The following PIK3C2G variants were observed in gnomAD, a reference collection of about 807,000 sequenced individuals.
PIK3C2G encodes phosphatidylinositol-4-phosphate 3-kinase catalytic subunit type 2 gamma.
In PIK3C2G, 168 loss-of-function variants were observed where a neutral mutation model predicts 181.1. The ratio of observed to expected loss-of-function variants is 0.93; its 90% CI spans 0.82 to 1.05. The LOEUF (loss-of-function observed/expected upper bound fraction) is 1.05. PIK3C2G is among the 50% of genes least tolerant of loss of function. PIK3C2G has a pLI of 0.00. For synonymous variants in PIK3C2G, 573 were observed against 592.2 expected (o/e 0.97, Z 0.47); for missense variants, 1,869 against 1,732.8 (o/e 1.08, Z -1.40).
chr12:18,529,082 G>A (rs149401211), intron 24 of PIK3C2G, among the ~76,000 whole-genome samples: 4 of 145,096 alleles, frequency 2.8e-5, no homozygotes, highest in Admixed American at 6.7e-5. Flanking sequence ...CCCATTTCTC[G>A]ATAATCCCAA....
At chr12:18,327,039 T>C (rs1166882438) in intron 8 of PIK3C2G, among the ~76,000 whole-genome samples, 2 of 152,128 alleles carry the variant, frequency 1.3e-5, no homozygotes, top group Admixed American at 6.5e-5. Flanking sequence ...TGATTGACTA[T>C]TGTAAATTTT....
chr12:18,664,819 A>G, the PIK3C2G span, among the ~76,000 whole-genome samples: 1 of 151,800 alleles, frequency 6.6e-6, no homozygotes, highest in African/African-American at 2.4e-5. Context: ...ATGGAATACT[A>G]TGCAGCCACA....
chr12:18,705,158 A>AC, the PIK3C2G span: 1 of 1,613,940 alleles, frequency 6.2e-7, no homozygotes. Context: ...CTCAGAAAAA[A>AC]ATGTTACCTC....
chr12:18,253,899 C>T (rs114148611), intron 1 of PIK3C2G, among the ~76,000 whole-genome samples: 1,879 of 146,520 alleles, frequency 0.013, 40 homozygotes, highest in African/African-American at 0.043. Flanking sequence ...ACCTTATCTT[C>T]TGCATCTCAT....
rs567283085 is a variant in PIK3C2G at position 18,580,647 on chromosome 12, T to C, written c.4011+13590T>C. ...TTTAAACTAGAATTGTAAAGGATTC[T>C]TTAAAAGTTCACTATTCTTCATAGT... On this transcript the variant is annotated intron_variant, in intron 29 of 32. Transcript: ENST00000538779. Among the ~76,000 whole-genome samples, 184 of 152,346 alleles carry C rather than the reference T, an allele frequency of 1.2e-3. 1 individual carries two copies. Among genetic ancestry groups the C allele is most frequent in the South Asian group, 2.9e-3 (14 of 4,830 alleles).
At chr12:18,434,283 A>C (rs1946325665) in intron 18 of PIK3C2G, among the ~76,000 whole-genome samples, 1 of 152,052 alleles carries the variant, frequency 6.6e-6, no homozygotes, top group Admixed American at 6.6e-5. Context: ...CTTCCATTAG[A>C]CCCCCACCTG....
At chr12:18,271,628 C>T (rs1427581845) in intron 1 of PIK3C2G, among the ~76,000 whole-genome samples, 1 of 152,158 alleles carries the variant, frequency 6.6e-6, no homozygotes, top group Non-Finnish European at 1.5e-5. Context: ...TCCTACCTCT[C>T]AGACTATTCT....
chr12:18,282,921 A>AT (rs1017848749), intron 2 of PIK3C2G, among the ~76,000 whole-genome samples, 162 bp downstream of exon 2: 23 of 145,620 alleles, frequency 1.6e-4, no homozygotes, highest in African/African-American at 3.8e-4. Context: ...TGTATTAATG[A>AT]TTTTTTTTCT....
intron 18 of PIK3C2G, among the ~76,000 whole-genome samples, chr12:18,474,234 A>G (rs1565761520): frequency 6.6e-6 from 1 of 152,130 alleles, no homozygotes. Flanking sequence ...TCAGGGGCCA[A>G]AAGTCACACA....
the PIK3C2G span, chr12:18,692,655 GA>G: frequency 1.9e-5 from 12 of 637,168 alleles, no homozygotes; most frequent in Non-Finnish European, 3.0e-5. Context: ...TTATGCAGGA[GA>G]AAAAAATCAT....
chr12:18,549,319 C>A (rs942208939), intron 26 of PIK3C2G, among the ~76,000 whole-genome samples: 2 of 151,994 alleles, frequency 1.3e-5, no homozygotes, highest in Non-Finnish European at 2.9e-5. Flanking sequence ...GAATATGAAA[C>A]AAGCCCTATT....
chr12:18,564,322 T>C (rs1945502674), intron 28 of PIK3C2G, among the ~76,000 whole-genome samples: 1 of 151,754 alleles, frequency 6.6e-6, no homozygotes, highest in Non-Finnish European at 1.5e-5. Flanking sequence ...AATCATGATA[T>C]TGCATTTAGG....
At position 18,505,439 on chromosome 12, in the gene PIK3C2G, C is replaced by G; in HGVS notation, c.3301C>G (p.Gln1101Glu). 1 of 1,613,120 alleles carries G rather than the reference C, an allele frequency of 6.2e-7. No individual in the cohort carries two copies. Among genetic ancestry groups the G allele is most frequent in the South Asian group, 1.1e-5 (1 of 90,870 alleles). ...IDFGKFLGHA[Q>E]TFGGIKRDRA... ...CTTTGGAAAATTCTTAGGTCATGCA[C>G]AAACATTTGGAGGGATAAAAAGGTC... is the stretch of plus-strand genomic sequence containing the variant. The change falls in exon 24 of 33, where the codon CAA becomes GAA. Residue 1101 changes from glutamine (Q) to glutamate (E), a missense_variant. Coordinates refer to ENST00000538779, the MANE Select transcript of PIK3C2G (RefSeq NM_001288772.2).
chr12:18,542,382 G>C (rs1252830432), intron 25 of PIK3C2G, among the ~76,000 whole-genome samples: 3 of 151,750 alleles, frequency 2.0e-5, no homozygotes, highest in Admixed American at 1.3e-4. Flanking sequence ...TTGCCTAATA[G>C]CATCAAGTAT....
intron 13 of PIK3C2G, among the ~76,000 whole-genome samples, chr12:18,380,352 T>C (rs2137955456): frequency 6.6e-6 from 1 of 152,244 alleles, no homozygotes; most frequent in Admixed American, 6.5e-5. Flanking sequence ...AGAAACATTT[T>C]CTCTAAATGC....
At chr12:18,596,590 G>C (rs1947377612) in intron 30 of PIK3C2G, among the ~76,000 whole-genome samples, 1 of 152,230 alleles carries the variant, frequency 6.6e-6, no homozygotes, top group Admixed American at 6.5e-5. Context: ...TAATGGAGTA[G>C]AACATGATCA....
At chr12:18,714,646 A>G in the PIK3C2G span, 1 of 152,168 alleles carries the variant, frequency 6.6e-6, no homozygotes, top group African/African-American at 2.4e-5. Flanking sequence ...CAGTAAGTAC[A>G]TTAAATTACC....
chr12:18,268,715 A>G (rs1948616204), intron 1 of PIK3C2G, among the ~76,000 whole-genome samples: 1 of 152,166 alleles, frequency 6.6e-6, no homozygotes, highest in Admixed American at 6.5e-5. Flanking sequence ...CCATATTTTA[A>G]AAAATAATTT....
chr12:18,313,681 A>G (rs1950733639), intron 5 of PIK3C2G, among the ~76,000 whole-genome samples: 1 of 152,124 alleles, frequency 6.6e-6, no homozygotes, highest in Non-Finnish European at 1.5e-5. Flanking sequence ...GTGTCTAATC[A>G]TTTAATCATT....
Sources: allele counts gnomAD v4.1 joint callset (sites outside exome capture counted in the v4.1 genomes callset), GRCh38; gene constraint gnomAD v4.1.1; transcripts MANE v1.5; gene names NCBI Gene and HGNC (gene_info 2026-07-23, HGNC 2026-07-21).